The following PDS5B variants were observed in gnomAD, a reference collection of about 807,000 sequenced individuals.
The protein encoded by PDS5B is PDS5 cohesin associated factor B.
In PDS5B, 51 loss-of-function variants were observed where a neutral mutation model predicts 184.1. The observed-to-expected ratio is 0.28, with a 90% CI of 0.22 to 0.35. The LOEUF (loss-of-function observed/expected upper bound fraction) is 0.35. PDS5B is among the 10% of genes least tolerant of loss of function. PDS5B has a pLI of 1.00. For synonymous variants in PDS5B, 566 were observed against 569.2 expected (o/e 0.99, Z 0.08); for missense variants, 1,180 against 1,723.3 (o/e 0.68, Z 5.58).
In PDS5B at chr13:32,741,167, T is replaced by G; in HGVS notation, c.2475+19T>G. On this transcript the variant is annotated intron_variant, in intron 22 of 34. Transcript: ENST00000315596. ...GGTCAAAGTGAGTAATGTGCATAGA[T>G]CTATTGATTTTAATATAATCACCAC... 7.8e-7 allele frequency: 1 copy of G among 1,278,614 alleles called. No individual in the cohort carries two copies. The highest frequency in any genetic ancestry group is 2.1e-5 in the Admixed American group (1 of 47,754). 79.2% of individuals were successfully genotyped at this position (1,278,614 alleles called of 1,614,324 possible). A position where few individuals can be genotyped will look rare whatever the true frequency, so the allele number is the denominator to read the frequency against.
At chr13:32,644,498 A>C (rs1461680950) in intron 1 of PDS5B, among the ~76,000 whole-genome samples, 1 of 152,102 alleles carries the variant, frequency 6.6e-6, no homozygotes, top group African/African-American at 2.4e-5. Context: ...GTGAATAACG[A>C]CTGGTTCATT....
chr13:32,679,664 A>G (rs901012795), intron 10 of PDS5B, among the ~76,000 whole-genome samples: 6 of 152,098 alleles, frequency 3.9e-5, no homozygotes, highest in East Asian at 1.9e-4. Flanking sequence ...ATAAATAAAT[A>G]AATGAATAAA....
intron 6 of PDS5B, among the ~76,000 whole-genome samples, chr13:32,665,358 G>A (rs572127437): frequency 2.0e-5 from 3 of 151,894 alleles, no homozygotes; most frequent in Admixed American, 2.0e-4. Context: ...TTGGGAGGCC[G>A]AGGCGGGCAG....
At chr13:32,753,928 C>CT (rs2140999991) in intron 25 of PDS5B, among the ~76,000 whole-genome samples, 1 of 152,264 alleles carries the variant, frequency 6.6e-6, no homozygotes, top group South Asian at 2.1e-4. Flanking sequence ...TGCGTGCCTA[C>CT]TTTTCATCTG....
intron 1 of PDS5B, among the ~76,000 whole-genome samples, chr13:32,642,855 A>G (rs1436421474): frequency 1.3e-5 from 2 of 151,876 alleles, no homozygotes; most frequent in Non-Finnish European, 2.9e-5. Context: ...ATTTTTTCCA[A>G]GCTTGTTGTT....
At chr13:32,731,797 G>A (rs1953131890) in intron 19 of PDS5B, among the ~76,000 whole-genome samples, 1 of 152,140 alleles carries the variant, frequency 6.6e-6, no homozygotes, top group South Asian at 2.1e-4. Context: ...AATGATAGCA[G>A]TAAGAATAAA....
rs370190165 is a variant in PDS5B, at chr13:32,721,367, C to T, written c.2124-10734C>T. On this transcript the variant is annotated intron_variant, in intron 19 of 34. Transcript: ENST00000315596. ...GCGAGGGCTCCCCCCACCTCCCAGACGGGGTGGCTGCCGGGCGGGGGTGCC... is the reference window on the plus strand; with the variant it reads ...GCGAGGGCTCCCCCCACCTCCCAGATGGGGTGGCTGCCGGGCGGGGGTGCC... Among the ~76,000 whole-genome samples the T allele has an allele frequency of 7.3e-5, 11 of 151,196 alleles. 1 individual carries two copies. The highest frequency in any genetic ancestry group is 4.0e-4 in the East Asian group (2 of 5,054).
chr13:32,760,510 T>A, intron 29 of PDS5B, 65 bp from the exon 30 acceptor site: 1 of 1,477,314 alleles, frequency 6.8e-7, no homozygotes, highest in South Asian at 1.2e-5. Flanking sequence ...TTATTTATGG[T>A]TCTTTACACG....
At chr13:32,758,974 C>T (rs1954281436) in intron 28 of PDS5B, among the ~76,000 whole-genome samples, 1 of 151,852 alleles carries the variant, frequency 6.6e-6, no homozygotes, top group Non-Finnish European at 1.5e-5. Flanking sequence ...AGTTAAAAGC[C>T]CTTTATTGGG....
chr13:32,760,483 A>C, intron 29 of PDS5B, 92 bp from the exon 30 acceptor site: 1 of 1,191,696 alleles, frequency 8.4e-7, no homozygotes, highest in East Asian at 2.4e-5. Context: ...TTGTAAGTAA[A>C]TACTTTGAGA....
chr13:32,737,651 G>T (rs1422075231), intron 21 of PDS5B, among the ~76,000 whole-genome samples: 1 of 152,030 alleles, frequency 6.6e-6, no homozygotes, highest in Non-Finnish European at 1.5e-5. Flanking sequence ...ATGAAAATTG[G>T]TTCAAAACAA....
intron 1 of PDS5B, among the ~76,000 whole-genome samples, chr13:32,618,825 T>C (rs1459717632): frequency 1.3e-5 from 2 of 152,222 alleles, no homozygotes; most frequent in African/African-American, 4.8e-5. Flanking sequence ...TTGCTTTTTT[T>C]CTTTTTTCCC....
At chr13:32,722,617 C>G (rs550787093) in intron 19 of PDS5B, among the ~76,000 whole-genome samples, 1 of 152,256 alleles carries the variant, frequency 6.6e-6, no homozygotes, top group Non-Finnish European at 1.5e-5. Context: ...ATGCATTTCT[C>G]AGAATGTATC....
chr13:32,599,775 C>T (rs1018765834), intron 1 of PDS5B, among the ~76,000 whole-genome samples: 4 of 151,862 alleles, frequency 2.6e-5, no homozygotes, highest in African/African-American at 7.3e-5. Context: ...ATTAGCCAGG[C>T]GTGGTGGCGG....
chr13:32,679,356 A>T (rs1232365119), intron 10 of PDS5B, among the ~76,000 whole-genome samples: 1 of 152,218 alleles, frequency 6.6e-6, no homozygotes, highest in Non-Finnish European at 1.5e-5. Context: ...CTTCCAACCT[A>T]TGTAGGAACT....
chr13:32,760,489 T>G, intron 29 of PDS5B, 86 bp from the exon 30 acceptor site: 8 of 1,259,022 alleles, frequency 6.4e-6, no homozygotes, highest in South Asian at 1.4e-5. Context: ...GTAAATACTT[T>G]GAGAGAGATG....
chr13:32,622,361 CT>C (rs946379183), intron 1 of PDS5B, among the ~76,000 whole-genome samples: 1 of 150,318 alleles, frequency 6.7e-6, no homozygotes, highest in Non-Finnish European at 1.5e-5. Flanking sequence ...AAATGACTTT[CT>C]TTTTTTTTAC....
At chr13:32,716,131 A>G (rs1952398037) in intron 19 of PDS5B, among the ~76,000 whole-genome samples, 1 of 146,386 alleles carries the variant, frequency 6.8e-6, no homozygotes, top group Admixed American at 6.8e-5. Context: ...ATCGTCTGGG[A>G]CGTGAGGAGC....
intron 9 of PDS5B, 96 bp downstream of exon 9, chr13:32,676,055 A>T: frequency 1.6e-6 from 1 of 634,880 alleles, no homozygotes; most frequent in South Asian, 2.5e-5. Flanking sequence ...GTTCTCTGGA[A>T]TCATAAAAAT....
Sources: gnomAD v4.1 joint callset for allele counts (sites outside exome capture counted in the v4.1 genomes callset) on GRCh38, gnomAD v4.1.1 for gene constraint, MANE v1.5 for transcripts, NCBI Gene and HGNC (gene_info 2026-07-23, HGNC 2026-07-21) for gene names.